Variants in ADGRL2 observed in about 807,000 individuals in gnomAD.
The protein encoded by ADGRL2 is calcium-independent alpha-latrotoxin receptor 2.
A neutral mutation model predicts 157.4 loss-of-function variants in ADGRL2; 44 were observed. That is an observed-to-expected ratio of 0.28 (90% CI 0.22 to 0.36). The LOEUF (loss-of-function observed/expected upper bound fraction) is 0.36. ADGRL2 is among the 10% of genes least tolerant of loss of function. The probability of loss-of-function intolerance (pLI) is 1.00; values close to 1 mark genes in which losing one functional copy is unlikely to be tolerated. For synonymous variants in ADGRL2, 585 were observed against 624.7 expected (o/e 0.94, Z 0.95); for missense variants, 1,510 against 1,768.9 (o/e 0.85, Z 2.63).
intron 3 of ADGRL2, among the ~76,000 whole-genome samples, chr1:81,620,127 A>G (rs1313057368): frequency 6.6e-6 from 1 of 152,222 alleles, no homozygotes; most frequent in Non-Finnish European, 1.5e-5. Flanking sequence ...TTCTGAGACT[A>G]GAAATGTTTT....
At chr1:81,655,311 T>C (rs2082509198) in intron 3 of ADGRL2, among the ~76,000 whole-genome samples, 1 of 152,194 alleles carries the variant, frequency 6.6e-6, no homozygotes, top group African/African-American at 2.4e-5. Flanking sequence ...CATTCTGTAT[T>C]TTTAATATTA....
chr1:81,956,177 ATTTT>A (rs1456637969), intron 11 of ADGRL2, 117 bp downstream of exon 11: 17 of 734,546 alleles, frequency 2.3e-5, no homozygotes, highest in Non-Finnish European at 4.0e-6. Flanking sequence ...TTGTCAAATT[ATTTT>A]TGTCTGTTAC....
chr1:81,648,812 G>T (rs1357345892), intron 3 of ADGRL2, among the ~76,000 whole-genome samples: 1 of 152,108 alleles, frequency 6.6e-6, no homozygotes, highest in East Asian at 1.9e-4. Context: ...ACATTTAAAG[G>T]TATAATTTAA....
chr1:81,888,446 A>G (rs2094178628), intron 2 of ADGRL2, among the ~76,000 whole-genome samples: 1 of 151,726 alleles, frequency 6.6e-6, no homozygotes, highest in East Asian at 1.9e-4. Flanking sequence ...TATTTTATTT[A>G]TTTATTTTTT....
chr1:81,983,230 T>A (rs541736277), intron 19 of ADGRL2, among the ~76,000 whole-genome samples: 1 of 152,118 alleles, frequency 6.6e-6, no homozygotes, highest in East Asian at 1.9e-4. Context: ...ACATTTTAAA[T>A]GCATCATGTT....
At chr1:81,765,684 TA>T in intron 2 of ADGRL2, among the ~76,000 whole-genome samples, 1 of 152,122 alleles carries the variant, frequency 6.6e-6, no homozygotes, top group Non-Finnish European at 1.5e-5. Context: ...ACTTAATGAA[TA>T]AAGGTTGAAT....
chr1:81,567,933 A>C (rs1015224795), intron 2 of ADGRL2, among the ~76,000 whole-genome samples: 9 of 152,238 alleles, frequency 5.9e-5, no homozygotes, highest in African/African-American at 2.2e-4. Context: ...TAGCAAGATA[A>C]GTCATAGTAT....
At position 81,708,039 on chromosome 1, in the gene ADGRL2, C is replaced by G. The variant is rs539953095; in HGVS notation, c.-143+8231C>G. On this transcript the variant is annotated intron_variant, in intron 1 of 20. Coordinates refer to the ADGRL2 transcript ENST00000359929. Reference sequence around the variant, plus strand: ...TTTTAAATGCCTACGCTTGTTCTCTCTTTCTTTTTAGTTGTAAGAATATCT... The same window carrying G: ...TTTTAAATGCCTACGCTTGTTCTCTGTTTCTTTTTAGTTGTAAGAATATCT... Among the ~76,000 whole-genome samples the G allele has an allele frequency of 1.0e-3, 153 of 152,268 alleles. 1 individual carries two copies. The highest frequency in any genetic ancestry group is 8.5e-3 in the Admixed American group (130 of 15,282).
intron 2 of ADGRL2, among the ~76,000 whole-genome samples, chr1:81,452,684 T>C (rs1252828195): frequency 6.6e-6 from 1 of 152,194 alleles, no homozygotes; most frequent in Non-Finnish European, 1.5e-5. Context: ...TTATATATTT[T>C]TCACACCACC....
At chr1:81,368,951 C>G (rs926842267) in intron 1 of ADGRL2, among the ~76,000 whole-genome samples, 1 of 152,128 alleles carries the variant, frequency 6.6e-6, no homozygotes, top group Non-Finnish European at 1.5e-5. Context: ...TCCTGGAAGA[C>G]AATTTCCTCC....
At chr1:81,868,807 T>C (rs1420384073) in intron 2 of ADGRL2, among the ~76,000 whole-genome samples, 1 of 152,100 alleles carries the variant, frequency 6.6e-6, no homozygotes, top group Non-Finnish European at 1.5e-5. Context: ...AAGGTCCCTG[T>C]TATTTGCACT....
intron 1 of ADGRL2, among the ~76,000 whole-genome samples, chr1:81,313,165 T>C (rs546848803): frequency 1.3e-5 from 2 of 152,298 alleles, no homozygotes; most frequent in East Asian, 3.9e-4. Context: ...GACATAAGTA[T>C]TTAAATGTTT....
intron 6 of ADGRL2, among the ~76,000 whole-genome samples, chr1:81,949,597 T>C (rs1207666290): frequency 6.6e-6 from 1 of 152,210 alleles, no homozygotes; most frequent in Non-Finnish European, 1.5e-5. Context: ...AGATGTTTCC[T>C]TAATAAAACA....
At position 81,355,966 on chromosome 1, in the gene ADGRL2, T is replaced by C. The variant is rs1663255341; in HGVS notation, c.-302+49457T>C. ...TGTTCTTACTCCCATTGTTACATAT[T>C]TTTTTCCTCCTGGTATTATTTTTTT... On this transcript the variant is annotated intron_variant, in intron 1 of 24. Transcript: ENST00000370721. Among the ~76,000 whole-genome samples, 3 of 152,174 alleles carry C rather than the reference T, an allele frequency of 2.0e-5. No homozygotes were observed. In the South Asian group the frequency reaches 6.2e-4, roughly 31 times the overall value.
intron 1 of ADGRL2, among the ~76,000 whole-genome samples, chr1:81,713,921 G>A (rs1050715417): frequency 6.6e-6 from 1 of 152,166 alleles, no homozygotes; most frequent in African/African-American, 2.4e-5. Flanking sequence ...AGAAAAAAAG[G>A]TTTAATGGTC....
At chr1:81,524,062 T>C (rs2079390867) in intron 2 of ADGRL2, among the ~76,000 whole-genome samples, 1 of 143,894 alleles carries the variant, frequency 6.9e-6, no homozygotes, top group Non-Finnish European at 1.5e-5. Context: ...AGATTTCATC[T>C]CAAAAATAAA....
chr1:81,490,813 T>C (rs1481446479), intron 2 of ADGRL2, among the ~76,000 whole-genome samples: 3 of 152,172 alleles, frequency 2.0e-5, no homozygotes, highest in Non-Finnish European at 4.4e-5. Flanking sequence ...TGCATACATA[T>C]GCACATTAAA....
At chr1:81,440,720 A>T (rs2077492343) in intron 1 of ADGRL2, among the ~76,000 whole-genome samples, 1 of 152,108 alleles carries the variant, frequency 6.6e-6, no homozygotes, top group Admixed American at 6.6e-5. Flanking sequence ...TGACATCCGT[A>T]TTTCTGTTAA....
intron 2 of ADGRL2, among the ~76,000 whole-genome samples, chr1:81,901,440 G>T (rs1326990795): frequency 6.6e-6 from 1 of 152,066 alleles, no homozygotes; most frequent in African/African-American, 2.4e-5. Context: ...AGCTTCATCT[G>T]ACCCAGAGAT....
Sources: gnomAD v4.1 joint callset for allele counts (sites outside exome capture counted in the v4.1 genomes callset) on GRCh38, gnomAD v4.1.1 for gene constraint, MANE v1.5 for transcripts, NCBI Gene and HGNC (gene_info 2026-07-23, HGNC 2026-07-21) for gene names.